ECM2: variants seen among roughly 807,000 people sequenced by gnomAD.
ECM2 encodes extracellular matrix protein 2, female organ and adipocyte specific.
Under a neutral mutation model 67.5 loss-of-function variants are expected in ECM2, and 57 were observed. The observed-to-expected ratio is 0.84, with a 90% CI of 0.68 to 1.05. ECM2 has a LOEUF of 1.05. Ranked by LOEUF, ECM2 falls within the 50% of genes least tolerant of loss-of-function variation. The pLI is 0.00. For synonymous variants in ECM2, 258 were observed against 294.5 expected (o/e 0.88, Z 1.27); for missense variants, 741 against 822.8 (o/e 0.90, Z 1.22).
chr9:92,523,025 C>CA, intron 1 of ECM2, 132 bp from the exon 2 acceptor site: 5 of 860,616 alleles, frequency 5.8e-6, no homozygotes, highest in Non-Finnish European at 8.5e-6. Flanking sequence ...GGACTATATG[C>CA]TATAGTATTA....
chr9:92,543,716 T>A, the ECM2 span, among the ~76,000 whole-genome samples: 1 of 152,180 alleles, frequency 6.6e-6, no homozygotes, highest in Non-Finnish European at 1.5e-5. Context: ...ATGTCTTAAG[T>A]TTCTTTCATC....
intron 2 of ECM2, among the ~76,000 whole-genome samples, chr9:92,520,786 G>T (rs1398639499): frequency 6.6e-6 from 1 of 152,174 alleles, no homozygotes; most frequent in African/African-American, 2.4e-5. Flanking sequence ...CCATAAAAAG[G>T]AATGAAGTTC....
chr9:92,531,967 A>G (rs1179507870), intron 1 of ECM2, among the ~76,000 whole-genome samples: 1 of 112,680 alleles, frequency 8.9e-6, no homozygotes, highest in African/African-American at 4.3e-5. Context: ...CCAGTATTTT[A>G]TTGTTGCCTT....
chr9:92,558,621 G>A, the ECM2 span, among the ~76,000 whole-genome samples: 1 of 152,150 alleles, frequency 6.6e-6, no homozygotes. Context: ...TTGGCCTCCT[G>A]TCAAGAGGTG....
At chr9:92,551,979 GTGTGTATATATGTGATATATA>G in the ECM2 span, among the ~76,000 whole-genome samples, 12 of 54,784 alleles carry the variant, frequency 2.2e-4, 1 homozygote, top group African/African-American at 2.5e-3. Flanking sequence ...ATATATATGT[GTGTGTATATATGTGATATATA>G]TGTGTATATA....
chr9:92,535,274 G>A (rs1182171798), intron 1 of ECM2, among the ~76,000 whole-genome samples: 2 of 152,002 alleles, frequency 1.3e-5, no homozygotes, highest in African/African-American at 2.4e-5. Context: ...TTAATGCTTA[G>A]GCCCTCATTA....
intron 6 of ECM2, among the ~76,000 whole-genome samples, chr9:92,506,099 G>A (rs966153456): frequency 2.6e-5 from 4 of 152,224 alleles, no homozygotes; most frequent in Non-Finnish European, 5.9e-5. Context: ...TGGAAACATT[G>A]CAAAGACATA....
upstream of ECM2, among the ~76,000 whole-genome samples, chr9:92,540,098 T>C (rs1849282122): frequency 6.6e-6 from 1 of 152,244 alleles, no homozygotes; most frequent in African/African-American, 2.4e-5. Flanking sequence ...CAGTTTTCTA[T>C]ATCCAATACT....
chr9:92,512,540 C>CATGA lies in ECM2; in HGVS notation c.1055-418_1055-415dup, dbSNP rs1289904147. 6.6e-5 allele frequency among the ~76,000 whole-genome samples: 10 copies of CATGA among 152,124 alleles called. No individual in the cohort carries two copies. In the East Asian group the frequency reaches 1.9e-3, roughly 29 times the overall value. ...CTAGAAACATGCCTCTGTTTTTGTCCATGAATGCTCATGCCAATCACTCAC... is the reference window on the plus strand; with the variant it reads ...CTAGAAACATGCCTCTGTTTTTGTCCATGAATGAATGCTCATGCCAATCACTCAC... On this transcript the variant is annotated intron_variant, in intron 4 of 9. Transcript: ENST00000344604.
chr9:92,494,763 G>C (rs900885753), downstream of ECM2, among the ~76,000 whole-genome samples: 2 of 151,928 alleles, frequency 1.3e-5, no homozygotes, highest in Non-Finnish European at 2.9e-5. Context: ...AAACATTAGC[G>C]GGGAGTGGTG....
intron 2 of ECM2, among the ~76,000 whole-genome samples, chr9:92,518,704 C>T (rs914212583): frequency 6.6e-6 from 1 of 152,138 alleles, no homozygotes; most frequent in Non-Finnish European, 1.5e-5. Context: ...GCCTGGGCAA[C>T]ATGGTGAAAC....
At chr9:92,532,922 CGT>C (rs1468681916) in intron 1 of ECM2, among the ~76,000 whole-genome samples, 1 of 151,776 alleles carries the variant, frequency 6.6e-6, no homozygotes, top group East Asian at 1.9e-4. Context: ...TGAGAATTTG[CGT>C]CTGTTTCAGG....
the ECM2 span, among the ~76,000 whole-genome samples, chr9:92,550,216 C>T: frequency 1.3e-5 from 2 of 152,002 alleles, no homozygotes; most frequent in East Asian, 1.9e-4. Context: ...GCCAACATGG[C>T]GAAACCCCGT....
At chr9:92,538,105 C>A (rs1175176076), upstream of ECM2, among the ~76,000 whole-genome samples, 1 of 152,134 alleles carries the variant, frequency 6.6e-6, no homozygotes, top group Non-Finnish European at 1.5e-5. Context: ...TGTAGAAACA[C>A]CTCTTTCTGT....
upstream of ECM2, among the ~76,000 whole-genome samples, chr9:92,539,376 T>A (rs980731546): frequency 3.3e-5 from 3 of 90,196 alleles, no homozygotes; most frequent in Non-Finnish European, 6.1e-5. Flanking sequence ...CCACTGCCTG[T>A]GGAAGAAGTA....
chr9:92,511,315 C>T (rs934515996), intron 5 of ECM2, among the ~76,000 whole-genome samples: 17 of 152,026 alleles, frequency 1.1e-4, no homozygotes, highest in Middle Eastern at 3.4e-3. Context: ...TTAGTAGAGA[C>T]GGGGTTTCAC....
chr9:92,508,308 G>A (rs751024763), intron 6 of ECM2, among the ~76,000 whole-genome samples: 6 of 152,208 alleles, frequency 3.9e-5, no homozygotes, highest in Admixed American at 6.5e-5. Flanking sequence ...GAGGCTCCTC[G>A]GGTGCTCGGA....
At chr9:92,557,053 T>A in the ECM2 span, among the ~76,000 whole-genome samples, 1 of 152,242 alleles carries the variant, frequency 6.6e-6, no homozygotes, top group African/African-American at 2.4e-5. Flanking sequence ...AGCATTTGTT[T>A]GTCTGAAAAC....
At position 92,522,676 on chromosome 9, in the gene ECM2, AC is replaced by A; in HGVS notation, c.190del (p.Val64Ter). 6.2e-7 allele frequency: 1 copy of A among 1,614,140 alleles called. No individual in the cohort carries two copies. Among genetic ancestry groups the A allele is most frequent in the Non-Finnish European group, 8.5e-7 (1 of 1,179,996 alleles). On this transcript the variant is annotated frameshift_variant, in exon 2 of 10. Transcript: ENST00000344604. LOFTEE classifies it high-confidence loss of function. ...AAAGTTAACAATAGGAAGTCTTGCT[AC>A]TGGTGTAAAAACTGTTGTTTGCTGA... ...GIQQTTVFTP[V>X]ARLPIVNFDY...
Sources: allele counts gnomAD v4.1 joint callset (sites outside exome capture counted in the v4.1 genomes callset), GRCh38; gene constraint gnomAD v4.1.1; transcripts MANE v1.5; gene names NCBI Gene and HGNC (gene_info 2026-07-23, HGNC 2026-07-21).